The following PAX7 variants were observed in gnomAD, a reference collection of about 807,000 sequenced individuals.
PAX7 encodes the protein paired box 7, also known as paired box protein Pax-7.
Under a neutral mutation model 50.7 loss-of-function variants are expected in PAX7, and 18 were observed. That is an observed-to-expected ratio of 0.36 (90% CI 0.25 to 0.53). The LOEUF (loss-of-function observed/expected upper bound fraction) is 0.53. PAX7 is among the 20% of genes least tolerant of loss of function. PAX7 has a pLI of 0.93. For synonymous variants in PAX7, 310 were observed against 290.4 expected (o/e 1.07, Z -0.69); for missense variants, 644 against 702.9 (o/e 0.92, Z 0.95).
chr1:18,636,167 G>C lies in PAX7; in HGVS notation c.452-70G>C. The C allele has an allele frequency of 1.3e-6, 2 of 1,541,636 alleles. No homozygotes were observed. Among genetic ancestry groups the C allele is most frequent in the Admixed American group, 3.7e-5 (2 of 54,088 alleles). On this transcript the variant is annotated intron_variant, in intron 3 of 8. Transcript: ENST00000420770. The surrounding 1 kb of genome is among the most constrained non-coding windows in gnomAD (Gnocchi z 5.1). ...AGGGGGCTTCCTGACTTTCTCCCAG[G>C]GGCCCAGGCCACCGCTCGCTCCTCT...
chr1:18,722,264 A>T (rs2089503989), intron 7 of PAX7, among the ~76,000 whole-genome samples: 1 of 152,004 alleles, frequency 6.6e-6, no homozygotes. Context: ...GTATAGGATA[A>T]GGCGGGGACT....
chr1:18,688,413 C>G (rs1017211555), intron 4 of PAX7, among the ~76,000 whole-genome samples: 3 of 152,198 alleles, frequency 2.0e-5, no homozygotes, highest in African/African-American at 7.2e-5. Flanking sequence ...CCACGTGTGA[C>G]TATGCAAATT....
intron 7 of PAX7, among the ~76,000 whole-genome samples, chr1:18,731,174 C>G (rs2089641743): frequency 6.6e-6 from 1 of 152,198 alleles, no homozygotes; most frequent in Admixed American, 6.5e-5. Flanking sequence ...TGCATCAGAC[C>G]TGAACTTCCT....
intron 4 of PAX7, among the ~76,000 whole-genome samples, chr1:18,676,493 G>A (rs1388684586): frequency 6.6e-6 from 1 of 151,046 alleles, no homozygotes; most frequent in Non-Finnish European, 1.5e-5. Flanking sequence ...AGTGGCTGGG[G>A]GAGGGGAGGG....
intron 5 of PAX7, among the ~76,000 whole-genome samples, chr1:18,698,455 C>T (rs189074790): frequency 6.6e-6 from 1 of 152,202 alleles, no homozygotes; most frequent in Non-Finnish European, 1.5e-5. Flanking sequence ...CCTCTTCCCC[C>T]CTTCTCCATG....
chr1:18,738,835 C>T (rs1930955336), intron 8 of PAX7, among the ~76,000 whole-genome samples: 1 of 152,174 alleles, frequency 6.6e-6, no homozygotes, highest in Non-Finnish European at 1.5e-5. Context: ...TCAGTCTTCC[C>T]ATCTGTGAAA....
intron 4 of PAX7, among the ~76,000 whole-genome samples, chr1:18,641,313 C>A (rs1393807353): frequency 6.6e-6 from 1 of 152,174 alleles, no homozygotes; most frequent in Non-Finnish European, 1.5e-5. Context: ...GCGGGGGAAG[C>A]CGTCGGAGGT....
chr1:18,665,672 CT>C (rs3079732), intron 4 of PAX7, among the ~76,000 whole-genome samples: 12,489 of 122,148 alleles, frequency 0.1, 637 homozygotes, highest in Admixed American at 0.14. Flanking sequence ...TGCGCCCAGC[CT>C]TTTTTTTTTT....
Position 18,636,469 on chromosome 1 carries a change from A to G in PAX7, c.586+98A>G. On this transcript the variant is annotated intron_variant, in intron 4 of 8. Coordinates refer to ENST00000420770, the MANE Select transcript of PAX7 (RefSeq NM_001135254.2). This position sits in a 1 kb window ranked among gnomAD's most constrained non-coding sequence, Gnocchi z 5.1. ...GCTCCCGCCGCCGGAGCAGGCGACC[A>G]GAACTCCAGCGGAGAAACTCTCATG... 2 of 1,420,764 alleles carry G rather than the reference A, an allele frequency of 1.4e-6. No homozygotes were observed. The highest frequency in any genetic ancestry group is 1.9e-6 in the Non-Finnish European group (2 of 1,041,014). 88.0% of individuals were successfully genotyped at this position (1,420,764 alleles called of 1,614,324 possible).
intron 4 of PAX7, among the ~76,000 whole-genome samples, chr1:18,684,852 G>A (rs1328973914): frequency 6.6e-6 from 1 of 152,210 alleles, no homozygotes; most frequent in Non-Finnish European, 1.5e-5. Flanking sequence ...TTTCCGGAGG[G>A]TGTGAGGGAG....
At chr1:18,635,268 T>A (rs770225389) in intron 3 of PAX7, 28 bp downstream of exon 3, 1 of 1,611,290 alleles carries the variant, frequency 6.2e-7, no homozygotes, top group South Asian at 1.1e-5. Flanking sequence ...CCGGCAGAGC[T>A]GGCCCAGAGT....
At position 18,746,970 on chromosome 1, in the gene PAX7, G is replaced by A. The variant is rs562377842; in HGVS notation, c.*2041G>A. 4.3e-5 allele frequency: 10 copies of A among 231,230 alleles called. No individual in the cohort carries two copies. The highest frequency in any genetic ancestry group is 1.3e-3 in the Middle Eastern group (1 of 776). 14.3% of individuals were successfully genotyped at this position (231,230 alleles called of 1,614,324 possible). A position where few individuals can be genotyped will look rare whatever the true frequency, so the allele number is the denominator to read the frequency against. On this transcript the variant is annotated 3_prime_UTR_variant, in exon 9 of 9. Coordinates refer to ENST00000420770, the MANE Select transcript of PAX7 (RefSeq NM_001135254.2). Reference sequence around the variant, plus strand: ...GATCAACCAAGGTTGCAACTGGAGCGTCCACTGCCAGAGACCTTTGGCTCT... The same window carrying A: ...GATCAACCAAGGTTGCAACTGGAGCATCCACTGCCAGAGACCTTTGGCTCT...
intron 4 of PAX7, among the ~76,000 whole-genome samples, chr1:18,651,056 A>C (rs1430237598): frequency 6.6e-6 from 1 of 152,096 alleles, no homozygotes; most frequent in Non-Finnish European, 1.5e-5. Context: ...CTGGACTTGG[A>C]ATCAGTAAGA....
chr1:18,743,580 G>A (rs1931264934), intron 8 of PAX7, among the ~76,000 whole-genome samples: 1 of 152,244 alleles, frequency 6.6e-6, no homozygotes, highest in African/African-American at 2.4e-5. Context: ...CAAATCCCAG[G>A]GGTTTGGACT....
At chr1:18,695,451 G>A (rs534310835) in intron 5 of PAX7, among the ~76,000 whole-genome samples, 2 of 152,306 alleles carry the variant, frequency 1.3e-5, no homozygotes, top group Admixed American at 1.3e-4. Flanking sequence ...TCATAAATAC[G>A]TGCACAGGTA....
intron 7 of PAX7, among the ~76,000 whole-genome samples, chr1:18,708,351 T>C (rs1281722398): frequency 6.6e-6 from 1 of 151,776 alleles, no homozygotes; most frequent in Non-Finnish European, 1.5e-5. Context: ...AGGTCAGAGT[T>C]CAAGACCAGC....
Position 18,729,547 on chromosome 1 carries a change from C to G in PAX7, c.1156-6085C>G, listed in dbSNP as rs191772393. ...TGCAAATGGGAAAAACTATCCTGCC[C>G]GTTAACTGGGGCTCTGATGAAAGGC... On this transcript the variant is annotated intron_variant, in intron 7 of 8. Transcript: ENST00000420770. 6.6e-5 allele frequency among the ~76,000 whole-genome samples: 10 copies of G among 152,276 alleles called. No individual in the cohort carries two copies. The East Asian group carries it at 1.9e-3, about 29-fold the overall frequency.
At chr1:18,715,747 T>C (rs976306992) in intron 7 of PAX7, among the ~76,000 whole-genome samples, 1 of 152,122 alleles carries the variant, frequency 6.6e-6, no homozygotes, top group Non-Finnish European at 1.5e-5. Flanking sequence ...CTGAGAAGTG[T>C]GTTCATATAT....
rs188042822 is a variant in PAX7 at position 18,740,012 on chromosome 1, G to A, written c.1402+4134G>A. On this transcript the variant is annotated intron_variant, in intron 8 of 8. Transcript: ENST00000420770. ...GGCTGCGGGCTGACGAGGCGCTGAC[G>A]GCTGAGATTGTTTACCGGTTGGCAT... Among the ~76,000 whole-genome samples the A allele has an allele frequency of 2.8e-4, 42 of 152,274 alleles. No individual in the cohort carries two copies. In the East Asian group the frequency reaches 5.6e-3, roughly 20 times the overall value.
Sources: gnomAD v4.1 joint callset for allele counts (sites outside exome capture counted in the v4.1 genomes callset) on GRCh38, gnomAD v4.1.1 for gene constraint, Gnocchi (gnomAD v3.1) non-coding constraint, MANE v1.5 for transcripts, NCBI Gene and HGNC (gene_info 2026-07-23, HGNC 2026-07-21) for gene names.